The following EDIL3 variants were observed in gnomAD, a reference collection of about 807,000 sequenced individuals.
The protein encoded by EDIL3 is EGF like and discoidin domains 3.
In EDIL3, 37 loss-of-function variants were observed where a neutral mutation model predicts 67.4. The ratio of observed to expected loss-of-function variants is 0.55; its 90% CI spans 0.42 to 0.72. The LOEUF (loss-of-function observed/expected upper bound fraction) is 0.72, where lower values mean the gene tolerates loss of function less well. Among genes scored for constraint, EDIL3 ranks in the 30% least tolerant of loss-of-function variants. The pLI is 0.00. For synonymous variants in EDIL3, 195 were observed against 196.3 expected (o/e 0.99, Z 0.05); for missense variants, 527 against 586.3 (o/e 0.90, Z 1.04).
intron 5 of EDIL3, among the ~76,000 whole-genome samples, chr5:84,122,997 C>T (rs1374962419): frequency 6.6e-6 from 1 of 151,880 alleles, no homozygotes; most frequent in Non-Finnish European, 1.5e-5. Context: ...AGACTAGGAA[C>T]ATGGTGAACT....
rs556511853 is a variant in EDIL3 at position 84,192,708 on chromosome 5, AG to A, written c.227-12188del. Reference sequence around the variant, plus strand: ...ACAGTGCTAAGTACCAGGGTTACAAAGGTGAACAAAACAGGTGCACCTTCTA... The same window carrying A: ...ACAGTGCTAAGTACCAGGGTTACAAAGTGAACAAAACAGGTGCACCTTCTA... On this transcript the variant is annotated intron_variant, in intron 3 of 10. Coordinates refer to ENST00000296591, the MANE Select transcript of EDIL3 (RefSeq NM_005711.5). Among the ~76,000 whole-genome samples, 251 of 152,174 alleles carry A rather than the reference AG, an allele frequency of 1.6e-3. 2 individuals are homozygous for A. The highest frequency in any genetic ancestry group is 6.0e-3 in the African/African-American group (248 of 41,556).
rs891865427 is a variant in EDIL3 at position 84,384,530 on chromosome 5, G to C, written c.-156C>G. The C allele has an allele frequency of 6.1e-6, 4 of 651,786 alleles. No individual in the cohort carries two copies. The highest frequency in any genetic ancestry group is 1.0e-5 in the Non-Finnish European group (4 of 390,540). 40.4% of individuals were successfully genotyped at this position (651,786 alleles called of 1,614,324 possible). ...CAGCGCTTTGTTAAACAAATTCTTGGAGAGGGCGAGAGTGGTGACTAAAGA... is the reference window on the plus strand; with the variant it reads ...CAGCGCTTTGTTAAACAAATTCTTGCAGAGGGCGAGAGTGGTGACTAAAGA... On this transcript the variant is annotated 5_prime_UTR_variant, in exon 1 of 11. Transcript: ENST00000296591.
At chr5:84,159,304 T>A (rs567017900) in intron 4 of EDIL3, among the ~76,000 whole-genome samples, 1 of 152,214 alleles carries the variant, frequency 6.6e-6, no homozygotes, top group African/African-American at 2.4e-5. Flanking sequence ...CTCTTCCTGC[T>A]GCATAAAATT....
intron 6 of EDIL3, among the ~76,000 whole-genome samples, chr5:84,080,903 G>A (rs1282543642): frequency 6.6e-6 from 1 of 152,114 alleles, no homozygotes; most frequent in South Asian, 2.1e-4. Context: ...CAGATAAAAG[G>A]ACCTTTAAAC....
intron 3 of EDIL3, among the ~76,000 whole-genome samples, chr5:84,202,844 C>G (rs1743873542): frequency 6.6e-6 from 1 of 152,116 alleles, no homozygotes. Flanking sequence ...AATATAATAT[C>G]TCCTATAATG....
chr5:83,974,434 A>G (rs1744844568), intron 9 of EDIL3, among the ~76,000 whole-genome samples: 1 of 151,982 alleles, frequency 6.6e-6, no homozygotes, highest in Non-Finnish European at 1.5e-5. Flanking sequence ...TTCTGGGGTT[A>G]AGAGCCACTG....
At chr5:84,032,821 C>T (rs1745953277) in intron 9 of EDIL3, among the ~76,000 whole-genome samples, 1 of 152,076 alleles carries the variant, frequency 6.6e-6, no homozygotes, top group African/African-American at 2.4e-5. Flanking sequence ...CAATATTTGC[C>T]AATATGCTGT....
At chr5:84,026,472 AT>A (rs1242874895) in intron 9 of EDIL3, among the ~76,000 whole-genome samples, 4 of 151,124 alleles carry the variant, frequency 2.6e-5, no homozygotes, top group South Asian at 4.2e-4. Flanking sequence ...TTCAGTCATC[AT>A]TTTTTTTCAT....
chr5:84,080,157 G>T (rs1746937587), intron 6 of EDIL3, among the ~76,000 whole-genome samples: 1 of 139,506 alleles, frequency 7.2e-6, no homozygotes, highest in Admixed American at 7.2e-5. Context: ...ATAGCCCGGC[G>T]TGGTGGCGGG....
intron 1 of EDIL3, among the ~76,000 whole-genome samples, chr5:84,354,146 G>T (rs1747422939): frequency 6.6e-6 from 1 of 152,106 alleles, no homozygotes; most frequent in African/African-American, 2.4e-5. Flanking sequence ...CAGTAAGAGT[G>T]CAATAAAAGC....
intron 9 of EDIL3, among the ~76,000 whole-genome samples, chr5:84,020,866 T>C (rs1307548994): frequency 5.3e-5 from 8 of 152,052 alleles, no homozygotes; most frequent in Admixed American, 1.3e-4. Flanking sequence ...TACACATACA[T>C]ATACCAACAG....
chr5:84,350,432 A>C (rs1165915293), intron 1 of EDIL3, among the ~76,000 whole-genome samples: 2 of 151,984 alleles, frequency 1.3e-5, no homozygotes, highest in African/African-American at 2.4e-5. Context: ...ATAAATGAGC[A>C]CCAGTAGCAT....
At chr5:83,948,598 T>G (rs1260600966) in intron 10 of EDIL3, among the ~76,000 whole-genome samples, 1 of 149,588 alleles carries the variant, frequency 6.7e-6, no homozygotes, top group African/African-American at 2.5e-5. Context: ...AAAATCAAAT[T>G]TTTTTTATTA....
chr5:84,307,897 G>A (rs2607361), intron 1 of EDIL3, among the ~76,000 whole-genome samples: 40,021 of 152,012 alleles, frequency 0.26, 6,061 homozygotes, highest in Non-Finnish European at 0.35. Context: ...AGTTACTAGG[G>A]TAAAAACTGA....
intron 1 of EDIL3, among the ~76,000 whole-genome samples, chr5:84,305,453 C>T (rs1746245968): frequency 6.6e-6 from 1 of 152,180 alleles, no homozygotes; most frequent in South Asian, 2.1e-4. Context: ...TCCCAGGAGC[C>T]TTTTTAGATA....
intron 9 of EDIL3, among the ~76,000 whole-genome samples, chr5:83,983,340 C>G (rs929187218): frequency 6.6e-6 from 1 of 152,050 alleles, no homozygotes; most frequent in Admixed American, 6.6e-5. Flanking sequence ...TATTGAGGAA[C>G]ATGCTTATTA....
chr5:84,112,204 C>T (rs977069044), intron 5 of EDIL3, among the ~76,000 whole-genome samples: 1 of 152,144 alleles, frequency 6.6e-6, no homozygotes, highest in Non-Finnish European at 1.5e-5. Context: ...TAATTTAGAT[C>T]ATTCCCACTG....
chr5:83,949,316 A>C (rs994786244), intron 10 of EDIL3, among the ~76,000 whole-genome samples: 5 of 151,850 alleles, frequency 3.3e-5, no homozygotes, highest in African/African-American at 9.7e-5. Context: ...ATTTATCAGC[A>C]GGTGAAAGTC....
intron 6 of EDIL3, among the ~76,000 whole-genome samples, chr5:84,087,083 G>A (rs918628402): frequency 6.6e-6 from 1 of 152,166 alleles, no homozygotes; most frequent in Non-Finnish European, 1.5e-5. Context: ...TGAGAGGTTG[G>A]GAAATATATT....
Sources: gnomAD v4.1 joint callset for allele counts (sites outside exome capture counted in the v4.1 genomes callset) on GRCh38, gnomAD v4.1.1 for gene constraint, MANE v1.5 for transcripts, NCBI Gene and HGNC (gene_info 2026-07-23, HGNC 2026-07-21) for gene names.